Variants in DDO observed in about 807,000 individuals in gnomAD.
The protein encoded by DDO is D-aspartate oxidase, also known as D-aspartate oxidase, DDO.
A neutral mutation model predicts 16.8 loss-of-function variants in DDO; 16 were observed. The ratio of observed to expected loss-of-function variants is 0.95; its 90% CI spans 0.65 to 1.45. DDO has a LOEUF of 1.45. DDO is among the 40% of genes most tolerant of loss of function. The probability of loss-of-function intolerance (pLI) is 0.00; values close to 1 mark genes in which losing one functional copy is unlikely to be tolerated. For missense variants in DDO, 429 were observed against 420.3 expected, an observed-to-expected ratio of 1.02 and a Z score of -0.18; for synonymous variants, 180 against 167.2, an observed-to-expected ratio of 1.08 and a Z score of -0.59.
chr6:110,412,172 A>G (rs1408254852), intron 2 of DDO, among the ~76,000 whole-genome samples: 2 of 151,962 alleles, frequency 1.3e-5, no homozygotes, highest in East Asian at 3.9e-4. Flanking sequence ...CTTGAACCCC[A>G]GAGGTGAAGG....
At chr6:110,414,340 T>C (rs1021007638) in intron 1 of DDO, among the ~76,000 whole-genome samples, 11 of 152,246 alleles carry the variant, frequency 7.2e-5, no homozygotes, top group Admixed American at 2.0e-4. Context: ...TTCTGTAACC[T>C]GAGGAGCAGT....
In DDO at chr6:110,392,808, G is replaced by A; in HGVS notation, c.993C>T (p.Ala331=). 6.3e-7 allele frequency: 1 copy of A among 1,596,522 alleles called. No individual in the cohort carries two copies. Among genetic ancestry groups the A allele is most frequent in the Non-Finnish European group, 8.5e-7 (1 of 1,170,462 alleles). Residue 331 remains alanine (A), a synonymous_variant, in exon 5 of 5, where the codon GCC becomes GCT. Coordinates refer to ENST00000368924, the MANE Select transcript of DDO (RefSeq NM_001372108.2). ...TTGACTTGGGAATGGGGGTCCTGAG[G>A]GCATGGACACACTCGCTCACCAGCC... The part of the protein sequence containing the change: ...AARLVSECVH[A]LRTPIPKSNL
Position 110,392,341 on chromosome 6 carries a change from C to A in DDO, c.*434G>T, listed in dbSNP as rs1773124092. On this transcript the variant is annotated 3_prime_UTR_variant, in exon 5 of 5. Transcript: ENST00000368924. The stretch of plus-strand genomic sequence containing the variant: ...CCAAATGATATCAAAATCTCTATAG[C>A]TTCCAACATTCATATAAATCTGCAT... 2 of 986,974 alleles carry A rather than the reference C, an allele frequency of 2.0e-6. No homozygotes were observed. Among genetic ancestry groups the A allele is most frequent in the African/African-American group, 1.7e-5 (1 of 57,434 alleles). The allele number at this position is 986,974 out of a possible 1,614,324, so 61.1% of individuals were successfully genotyped here. A position where few individuals can be genotyped will look rare whatever the true frequency, so the allele number is the denominator to read the frequency against.
At chr6:110,403,971 G>A (rs1487124071) in intron 4 of DDO, among the ~76,000 whole-genome samples, 1 of 152,168 alleles carries the variant, frequency 6.6e-6, no homozygotes, top group East Asian at 1.9e-4. Context: ...CCAGATCACT[G>A]TTGCCCTGGC....
At chr6:110,402,836 C>T (rs1773525854) in intron 4 of DDO, among the ~76,000 whole-genome samples, 1 of 152,260 alleles carries the variant, frequency 6.6e-6, no homozygotes, top group East Asian at 1.9e-4. Flanking sequence ...CAGGAAAGCC[C>T]TTAATCAGCC....
intron 4 of DDO, among the ~76,000 whole-genome samples, chr6:110,400,033 C>CCGTCCT (rs1773425997): frequency 6.6e-6 from 1 of 152,328 alleles, no homozygotes; most frequent in African/African-American, 2.4e-5. Context: ...GATGGCGTTG[C>CCGTCCT]CGTCCTCGCA....
At position 110,408,386 on chromosome 6, in the gene DDO, C is replaced by T. The variant is rs1773729693; in HGVS notation, c.229G>A (p.Ala77Thr). The T allele has an allele frequency of 1.2e-6, 2 of 1,614,018 alleles. No individual in the cohort carries two copies. The highest frequency in any genetic ancestry group is 1.3e-5 in the African/African-American group (1 of 74,892). The change falls in exon 3 of 5, where the codon GCA (alanine) becomes ACA (threonine). Residue 77 changes from alanine (A) to threonine (T), a missense_variant. By Grantham distance (58) the Ala-to-Thr change is moderately conservative. Transcript: ENST00000368924. ...WFRETFNHLF[A>T]IANSAEAGDA... ...CCAGCTTCTGCAGAATTGGCAATTG[C>T]AAAGAGGTGATTAAAGGTTTCTCTG...
downstream of DDO, among the ~76,000 whole-genome samples, chr6:110,391,599 T>G (rs1289819668): frequency 6.6e-6 from 1 of 152,092 alleles, no homozygotes; most frequent in Non-Finnish European, 1.5e-5. Flanking sequence ...CCTCCCAAAG[T>G]GCTGGGATTG....
chr6:110,409,974 GAAC>G (rs1473795198), intron 2 of DDO, among the ~76,000 whole-genome samples: 3 of 149,132 alleles, frequency 2.0e-5, no homozygotes, highest in Non-Finnish European at 4.5e-5. Flanking sequence ...GGAATGGTGA[GAAC>G]AATAGCAAAT....
rs1562256356 is a variant in DDO at position 110,392,719 on chromosome 6, C to T, written c.*56G>A. ...CATGCAGTGGAAAAGTTATTTGAAC[C>T]TGTTCTGTGCTTTGATCAACAGTCT... On this transcript the variant is annotated 3_prime_UTR_variant, in exon 5 of 5. Transcript: ENST00000368924. The T allele has an allele frequency of 2.7e-6, 4 of 1,479,594 alleles. No homozygotes were observed. The highest frequency in any genetic ancestry group is 3.6e-6 in the Non-Finnish European group (4 of 1,118,946). The allele number at this position is 1,479,594 out of a possible 1,614,324, so 91.7% of individuals were successfully genotyped here. A position where few individuals can be genotyped will look rare whatever the true frequency, so the allele number is the denominator to read the frequency against.
intron 4 of DDO, among the ~76,000 whole-genome samples, chr6:110,400,715 T>C (rs1325407541): frequency 1.3e-5 from 2 of 152,246 alleles, no homozygotes; most frequent in African/African-American, 4.8e-5. Context: ...AATGAAAGCT[T>C]GGGCCCGAGA....
downstream of DDO, chr6:110,388,952 C>T (rs1773058045): frequency 3.0e-6 from 1 of 328,492 alleles, no homozygotes; most frequent in African/African-American, 2.2e-5. Flanking sequence ...TGAAGATAAG[C>T]TGTGATGGTT....
At position 110,404,828 on chromosome 6, in the gene DDO, G is replaced by A; in HGVS notation, c.404C>T (p.Ala135Val). 6.2e-7 allele frequency: 1 copy of A among 1,614,176 alleles called. No homozygotes were observed. The highest frequency in any genetic ancestry group is 8.5e-7 in the Non-Finnish European group (1 of 1,180,044). ...KKFPQYVFGQ[A>V]FTTLKCECPA... ...GCATTCACATTTCAGGGTTGTAAAA[G>A]CCTGACCAAACACATACTGGGGGAA... The change falls in exon 4 of 5, where the codon GCT becomes GTT. Residue 135 changes from alanine to valine, a missense_variant. Transcript: ENST00000368924.
chr6:110,397,445 T>A (rs1292070539), intron 4 of DDO, among the ~76,000 whole-genome samples: 2 of 152,362 alleles, frequency 1.3e-5, no homozygotes, highest in East Asian at 3.9e-4. Context: ...TTGAACATTA[T>A]GTTCTGTGCT....
chr6:110,414,456 G>A (rs938244682), intron 1 of DDO, among the ~76,000 whole-genome samples: 1 of 152,234 alleles, frequency 6.6e-6, no homozygotes, highest in Non-Finnish European at 1.5e-5. Flanking sequence ...GTCTCATAAA[G>A]GGGGCTCCTT....
intron 1 of DDO, 136 bp from the exon 2 acceptor site, chr6:110,413,602 G>A (rs770699986): frequency 7.5e-6 from 6 of 800,282 alleles, no homozygotes; most frequent in Admixed American, 2.7e-5. Flanking sequence ...TTTCTTGTGA[G>A]ATAAAGAGGA....
At chr6:110,415,422 G>T (rs763044209) in intron 1 of DDO, 45 bp downstream of exon 1, 1 of 1,610,882 alleles carries the variant, frequency 6.2e-7, no homozygotes, top group Non-Finnish European at 8.5e-7. Context: ...AACTCCCAGA[G>T]CATGGACGGA....
intron 2 of DDO, among the ~76,000 whole-genome samples, chr6:110,409,750 A>T (rs1192227822): frequency 6.6e-6 from 1 of 152,242 alleles, no homozygotes; most frequent in East Asian, 1.9e-4. Context: ...ATTTGGCCTC[A>T]AATAGACTTT....
chr6:110,389,134 G>T (rs58706376), downstream of DDO, among the ~76,000 whole-genome samples: 1 of 152,194 alleles, frequency 6.6e-6, no homozygotes, highest in African/African-American at 2.4e-5. Flanking sequence ...TCTGTTGAAG[G>T]CCTGAATAGA....
Sources: allele counts gnomAD v4.1 joint callset (sites outside exome capture counted in the v4.1 genomes callset), GRCh38; gene constraint gnomAD v4.1.1; transcripts MANE v1.5; gene names NCBI Gene and HGNC (gene_info 2026-07-23, HGNC 2026-07-21).